PTGES3L: variants seen among roughly 807,000 people sequenced by gnomAD.
The protein encoded by PTGES3L is putative protein PTGES3L.
In PTGES3L, 17 loss-of-function variants were observed where a neutral mutation model predicts 25.0. The observed-to-expected ratio is 0.68, with a 90% CI of 0.47 to 1.02. PTGES3L has a LOEUF of 1.02. PTGES3L is among the 50% of genes least tolerant of loss of function. The pLI is 0.00. For synonymous variants in PTGES3L, 59 were observed against 65.7 expected (o/e 0.90, Z 0.50); for missense variants, 202 against 197.5 (o/e 1.02, Z -0.14).
At chr17:42,979,507 T>A (rs957774514) in intron 2 of PTGES3L, 43 bp downstream of exon 2, 1 of 1,614,092 alleles carries the variant, frequency 6.2e-7, no homozygotes, top group Middle Eastern at 1.6e-4. Flanking sequence ...AGGAAAGGGG[T>A]AGATTCCTGG....
chr17:42,969,682 G>A lies in PTGES3L; in HGVS notation c.433-496C>T, dbSNP rs542376256. ...CTCTCAAAGTGCTGGGATTACAGGC[G>A]TGAGCCACCACACCCACCCTAGTTT... On this transcript the variant is annotated intron_variant, in intron 6 of 6. Transcript: ENST00000591916. Among the ~76,000 whole-genome samples, 5 of 151,976 alleles carry A rather than the reference G, an allele frequency of 3.3e-5. No homozygotes were observed. The South Asian group carries it at 8.3e-4, about 25-fold the overall frequency.
chr17:42,972,479 C>T (rs563618296), intron 4 of PTGES3L, among the ~76,000 whole-genome samples: 11 of 151,854 alleles, frequency 7.2e-5, no homozygotes, highest in African/African-American at 1.9e-4. Context: ...ATTGCAGGCA[C>T]GCACCGCCAC....
chr17:42,971,998 G>A (rs1228415572), intron 4 of PTGES3L: 4 of 283,962 alleles, frequency 1.4e-5, no homozygotes, highest in African/African-American at 4.4e-5. Context: ...GACCAGCCTG[G>A]CCAATATGGT....
At chr17:42,973,120 G>A (rs1383634379) in intron 4 of PTGES3L, among the ~76,000 whole-genome samples, 4 of 144,470 alleles carry the variant, frequency 2.8e-5, no homozygotes, top group East Asian at 4.2e-4. Flanking sequence ...GAGCCTCTCC[G>A]CCCGGCAGCC....
At position 42,969,096 on chromosome 17, in the gene PTGES3L, G is replaced by C. The variant is rs1000486057; in HGVS notation, c.*52C>G. 5.6e-6 allele frequency: 8 copies of C among 1,435,236 alleles called. No individual in the cohort carries two copies. In the African/African-American group the frequency reaches 8.6e-5, roughly 16 times the overall value. 88.9% of individuals were successfully genotyped at this position (1,435,236 alleles called of 1,614,324 possible). A position where few individuals can be genotyped will look rare whatever the true frequency, so the allele number is the denominator to read the frequency against. On this transcript the variant is annotated 3_prime_UTR_variant, in exon 7 of 7. Coordinates refer to ENST00000591916, the MANE Select transcript of PTGES3L (RefSeq NM_001261430.2). ...CAAAGGCCTAGGCGCTAGCTTTCTAGAACAACTGGAAAATAGCCACAGCTG... is the reference window on the plus strand; with the variant it reads ...CAAAGGCCTAGGCGCTAGCTTTCTACAACAACTGGAAAATAGCCACAGCTG...
At chr17:42,978,077 C>CAAAAAAAAAAAAAAAAA (rs368420097) in intron 4 of PTGES3L, among the ~76,000 whole-genome samples, 2 of 47,390 alleles carry the variant, frequency 4.2e-5, no homozygotes, top group African/African-American at 1.0e-4. Flanking sequence ...AACTCCGAAT[C>CAAAAAAAAAAAAAAAAA]AAAAAAAAAA....
At chr17:42,972,096 G>A (rs2049848429) in intron 4 of PTGES3L, 1 of 187,888 alleles carries the variant, frequency 5.3e-6, no homozygotes, top group African/African-American at 2.4e-5. Flanking sequence ...GCTGAGGCAG[G>A]AGAATTGCTT....
chr17:42,970,485 G>A, intron 5 of PTGES3L, 143 bp from the exon 6 acceptor site: 1 of 887,092 alleles, frequency 1.1e-6, no homozygotes, highest in Non-Finnish European at 1.7e-6. Flanking sequence ...GAATTAATTT[G>A]AGAAAAGTAA....
rs368420097 is a variant in PTGES3L at position 42,978,077 on chromosome 17, CAAAAAA to C, written c.288+1087_288+1092del. On this transcript the variant is annotated intron_variant, in intron 4 of 6. Transcript: ENST00000591916. ...GGGCAACAAGAGCGAAACTCCGAATCAAAAAAAAAAAAAAAAAAAAAAACAGAAAGA... is the reference window on the plus strand; with the variant it reads ...GGGCAACAAGAGCGAAACTCCGAATCAAAAAAAAAAAAAAAAACAGAAAGA... Among the ~76,000 whole-genome samples the C allele has an allele frequency of 2.7e-4, 13 of 47,394 alleles. No individual in the cohort carries two copies. The East Asian group carries it at 7.5e-3, about 27-fold the overall frequency. 31.1% of individuals were successfully genotyped at this position (47,394 alleles called of 152,430 possible).
chr17:42,975,327 T>G (rs937037465), intron 4 of PTGES3L, among the ~76,000 whole-genome samples: 1 of 151,980 alleles, frequency 6.6e-6, no homozygotes, highest in Non-Finnish European at 1.5e-5. Flanking sequence ...CTTTGAAGGA[T>G]GCACAGGGAT....
rs985223491 is a variant in PTGES3L at position 42,969,157 on chromosome 17, T to G, written c.462A>C (p.Thr154=). Residue 154 remains threonine, a synonymous_variant, in exon 7 of 7, where the codon ACA becomes ACC. Transcript: ENST00000591916. ...TTTGCGTCACAGAAAGTTAATTACT[T>G]GTTGCATCATCAGCACTGTCAGAAT... ...DDDSDSADDA[T]SN is the part of the protein sequence containing the mutation. 2.0e-6 allele frequency: 3 copies of G among 1,536,902 alleles called. No homozygotes were observed. The highest frequency in any genetic ancestry group is 1.4e-5 in the African/African-American group (1 of 69,394).
At chr17:42,980,019 G>C in intron 1 of PTGES3L, 27 bp downstream of exon 1, 10 of 1,544,984 alleles carry the variant, frequency 6.5e-6, no homozygotes, top group Non-Finnish European at 8.7e-6. Flanking sequence ...AAGGGCCAGG[G>C]GGAGCACCGG....
intron 4 of PTGES3L, among the ~76,000 whole-genome samples, chr17:42,977,669 G>T (rs1389753586): frequency 9.1e-6 from 1 of 110,050 alleles, no homozygotes; most frequent in African/African-American, 4.5e-5. Context: ...GGAAGGGAGG[G>T]AGAGAGAGAG....
At chr17:42,977,244 G>C (rs896891144) in intron 4 of PTGES3L, among the ~76,000 whole-genome samples, 2 of 152,062 alleles carry the variant, frequency 1.3e-5, no homozygotes, top group Non-Finnish European at 2.9e-5. Flanking sequence ...GGGCCAACAT[G>C]GTGAAACCCT....
Position 42,979,543 on chromosome 17 carries a change from C to T in PTGES3L, c.122+7G>A. ...GAAGCCAGGCCCTCGGACGGCAGGG[C>T]CACTACCTGAACACAATGCGGTGAT... On this transcript the variant is annotated splice_region_variant and intron_variant, in intron 2 of 6. Coordinates refer to ENST00000591916, the MANE Select transcript of PTGES3L (RefSeq NM_001261430.2). 6.2e-7 allele frequency: 1 copy of T among 1,614,082 alleles called. No individual in the cohort carries two copies. Among genetic ancestry groups the T allele is most frequent in the Admixed American group, 1.7e-5 (1 of 60,008 alleles).
At chr17:42,974,120 C>T (rs372806482) in intron 4 of PTGES3L, among the ~76,000 whole-genome samples, 138 of 152,022 alleles carry the variant, frequency 9.1e-4, no homozygotes, top group African/African-American at 3.3e-3. Flanking sequence ...CAGCACTCTG[C>T]GGGGCCAGGG....
intron 4 of PTGES3L, among the ~76,000 whole-genome samples, chr17:42,972,668 G>A (rs1425078967): frequency 4.6e-5 from 7 of 152,094 alleles, no homozygotes; most frequent in Admixed American, 3.9e-4. Context: ...ATCTCGGCTC[G>A]CTACAACCTA....
chr17:42,976,673 C>T (rs1226372979), intron 4 of PTGES3L, among the ~76,000 whole-genome samples: 1 of 152,204 alleles, frequency 6.6e-6, no homozygotes, highest in East Asian at 1.9e-4. Flanking sequence ...AGCCACCACA[C>T]CCGGCCTTAA....
intron 5 of PTGES3L, 67 bp from the exon 6 acceptor site, chr17:42,970,409 G>A (rs1343084212): frequency 6.3e-7 from 1 of 1,583,740 alleles, no homozygotes; most frequent in East Asian, 2.2e-5. Flanking sequence ...CACATTGATG[G>A]TCCATAGAAG....
Sources: allele counts gnomAD v4.1 joint callset (sites outside exome capture counted in the v4.1 genomes callset), GRCh38; gene constraint gnomAD v4.1.1; transcripts MANE v1.5; gene names NCBI Gene and HGNC (gene_info 2026-07-23, HGNC 2026-07-21).